The following PCDHA5 variants were observed in gnomAD, a reference collection of about 807,000 sequenced individuals.
PCDHA5 encodes the protein protocadherin alpha 5.
A neutral mutation model predicts 61.6 loss-of-function variants in PCDHA5; 43 were observed. The ratio of observed to expected loss-of-function variants is 0.70; its 90% CI spans 0.55 to 0.90. The LOEUF (loss-of-function observed/expected upper bound fraction) is 0.90, where lower values mean the gene tolerates loss of function less well. PCDHA5 is among the 40% of genes least tolerant of loss of function. PCDHA5 has a pLI of 0.00. For synonymous variants in PCDHA5, 627 were observed against 543.9 expected, an observed-to-expected ratio of 1.15 and a Z score of -2.13; for missense variants, 1,298 against 1,222.7, an observed-to-expected ratio of 1.06 and a Z score of -0.92.
At chr5:140,957,490 G>T (rs921873894) in intron 1 of PCDHA5, among the ~76,000 whole-genome samples, 1 of 152,130 alleles carries the variant, frequency 6.6e-6, no homozygotes, top group South Asian at 2.1e-4. Context: ...CATAGTATAT[G>T]TAGAATTCAG....
Position 140,823,386 on chromosome 5 carries a change from C to A in PCDHA5, c.1611C>A (p.Arg537=). Residue 537 remains arginine, a synonymous_variant, in exon 1 of 4, where the codon CGC becomes CGA. Transcript: ENST00000529859. The stretch of plus-strand genomic sequence containing the variant: ...TGCTGCAGTTCCAGGTGAGCGCGCG[C>A]GACGCGGGCGTGCCGCCTCTGGGCA... ...VELLQFQVSA[R]DAGVPPLGSN... 6.2e-7 allele frequency: 1 copy of A among 1,612,766 alleles called. No homozygotes were observed. Among genetic ancestry groups the A allele is most frequent in the South Asian group, 1.1e-5 (1 of 91,034 alleles).
At chr5:140,902,861 G>A (rs782302668) in intron 1 of PCDHA5, among the ~76,000 whole-genome samples, 21 of 152,088 alleles carry the variant, frequency 1.4e-4, no homozygotes, top group Admixed American at 5.2e-4. Context: ...TGGCGTCCAG[G>A]TCCACCCAAG....
chr5:140,875,497 C>T, intron 1 of PCDHA5: 1 of 1,613,256 alleles, frequency 6.2e-7, no homozygotes, highest in Non-Finnish European at 8.5e-7. Flanking sequence ...ACCAAGAGGC[C>T]CGGGATCCCA....
chr5:140,870,879 G>T (rs1554164779), intron 1 of PCDHA5: 2 of 1,613,952 alleles, frequency 1.2e-6, no homozygotes, highest in African/African-American at 2.7e-5. Context: ...TGGTGGCGAA[G>T]GTGCGCGCAG....
At chr5:140,926,685 A>C in intron 1 of PCDHA5, 1 of 665,408 alleles carries the variant, frequency 1.5e-6, no homozygotes, top group Non-Finnish European at 2.3e-6. Context: ...CCTCCAGCCT[A>C]GCAAGCCCGG....
chr5:140,869,192 A>T (rs782002128), intron 1 of PCDHA5: 2 of 1,613,882 alleles, frequency 1.2e-6, no homozygotes, highest in East Asian at 4.5e-5. Flanking sequence ...GGGAGCGGCC[A>T]GCTCCACTAC....
intron 1 of PCDHA5, among the ~76,000 whole-genome samples, chr5:140,832,954 A>G (rs1349608970): frequency 1.3e-5 from 2 of 152,204 alleles, no homozygotes; most frequent in Non-Finnish European, 2.9e-5. Flanking sequence ...AAGTGAGTAT[A>G]CAGAAAATTC....
intron 1 of PCDHA5, chr5:140,883,717 C>A (rs926863988): frequency 6.2e-7 from 1 of 1,613,614 alleles, no homozygotes. Context: ...AGGACGCGGA[C>A]GCACAGGAGA....
At chr5:140,919,858 T>C (rs1392372108) in intron 1 of PCDHA5, among the ~76,000 whole-genome samples, 1 of 152,246 alleles carries the variant, frequency 6.6e-6, no homozygotes, top group Non-Finnish European at 1.5e-5. Flanking sequence ...TGACCTCATT[T>C]GGAAATAAGT....
chr5:140,846,625 C>A (rs567549209), intron 1 of PCDHA5, among the ~76,000 whole-genome samples: 1 of 149,010 alleles, frequency 6.7e-6, no homozygotes, highest in Non-Finnish European at 1.5e-5. Flanking sequence ...CCGCCCACTT[C>A]GGCCTCCTAA....
Position 140,928,044 on chromosome 5 carries a change from T to C in PCDHA5, c.2353-50905T>C, listed in dbSNP as rs782342331. The C allele has an allele frequency of 4.6e-5, 75 of 1,614,078 alleles. 1 individual carries two copies. The highest frequency in any genetic ancestry group is 3.0e-4 in the Admixed American group (18 of 60,006). On this transcript the variant is annotated intron_variant, in intron 1 of 3. Transcript: ENST00000529859. The stretch of plus-strand genomic sequence containing the variant: ...TTTGTGGCATGTCTAGTGCAGGCCC[T>C]TTTCAGCTGACGGCTTCCTTTGACA...
intron 1 of PCDHA5, chr5:140,857,132 G>C: frequency 6.3e-7 from 1 of 1,598,262 alleles, no homozygotes; most frequent in Non-Finnish European, 8.6e-7. Flanking sequence ...GAAAGAAGAT[G>C]CTCAAGTGGG....
chr5:140,829,666 C>G, intron 1 of PCDHA5: 1 of 1,612,840 alleles, frequency 6.2e-7, no homozygotes, highest in Non-Finnish European at 8.5e-7. Context: ...CGCTGGACCA[C>G]GAGGAGCTAG....
intron 1 of PCDHA5, chr5:140,860,150 T>G (rs868970469): frequency 6.7e-6 from 1 of 150,164 alleles, no homozygotes; most frequent in Non-Finnish European, 1.5e-5. Flanking sequence ...TATGTATATA[T>G]GTGTATATAT....
chr5:140,836,948 A>G (rs1050611194), intron 1 of PCDHA5: 2 of 442,648 alleles, frequency 4.5e-6, no homozygotes, highest in Non-Finnish European at 7.8e-6. Flanking sequence ...ATCAAAATCT[A>G]TGGTTTATGT....
rs148608291 is a variant in PCDHA5, at chr5:140,870,364, G to A, written c.2352+46237G>A. The stretch of plus-strand genomic sequence containing the variant: ...GGACCGCGAGAACGTGTGGGCCTAT[G>A]AACTGGTGGTGACTGCGCGGGATGG... On this transcript the variant is annotated intron_variant, in intron 1 of 3. Transcript: ENST00000529859. 1,110 of 1,614,212 alleles carry A rather than the reference G, an allele frequency of 6.9e-4. 2 individuals are homozygous for A. The highest frequency in any genetic ancestry group is 9.1e-4 in the Non-Finnish European group (1,069 of 1,180,030).
chr5:140,860,471 C>T (rs566732753), intron 1 of PCDHA5: 1 of 152,040 alleles, frequency 6.6e-6, no homozygotes, highest in Admixed American at 6.6e-5. Context: ...ACAGTTGGTG[C>T]AGTAGTACTT....
At chr5:140,831,064 T>C (rs957849785) in intron 1 of PCDHA5, 1 of 152,230 alleles carries the variant, frequency 6.6e-6, no homozygotes, top group Non-Finnish European at 1.5e-5. Context: ...TGTCCCCCTT[T>C]TAAACCATTG....
intron 1 of PCDHA5, among the ~76,000 whole-genome samples, chr5:140,888,286 C>T (rs1277980750): frequency 6.6e-6 from 1 of 152,080 alleles, no homozygotes; most frequent in African/African-American, 2.4e-5. Context: ...TCCCCTCTAC[C>T]CCCTACCCAG....
Sources: gnomAD v4.1 joint callset for allele counts (sites outside exome capture counted in the v4.1 genomes callset) on GRCh38, gnomAD v4.1.1 for gene constraint, MANE v1.5 for transcripts, NCBI Gene and HGNC (gene_info 2026-07-23, HGNC 2026-07-21) for gene names.